RIMS3: variants seen among roughly 807,000 people sequenced by gnomAD.
The protein encoded by RIMS3 is regulating synaptic membrane exocytosis protein 3.
Under a neutral mutation model 29.2 loss-of-function variants are expected in RIMS3, and 15 were observed. The observed-to-expected ratio is 0.51, with a 90% CI of 0.34 to 0.79. RIMS3 has a LOEUF of 0.79. Among genes scored for constraint, RIMS3 ranks in the 30% least tolerant of loss-of-function variants. The probability of loss-of-function intolerance (pLI) is 0.01; values close to 1 mark genes in which losing one functional copy is unlikely to be tolerated. For synonymous variants in RIMS3, 161 were observed against 170.1 expected (o/e 0.95, Z 0.41); for missense variants, 342 against 421.4 (o/e 0.81, Z 1.65).
chr1:40,687,676 C>T, the RIMS3 span: 7 of 151,986 alleles, frequency 4.6e-5, no homozygotes, highest in East Asian at 5.8e-4. Context: ...ACTCACTTCC[C>T]GTATCAGAAA....
In RIMS3 at chr1:40,626,475, C is replaced by A; in HGVS notation, c.*42G>T. 1 of 1,521,940 alleles carries A rather than the reference C, an allele frequency of 6.6e-7. No homozygotes were observed. Among genetic ancestry groups the A allele is most frequent in the Non-Finnish European group, 9.0e-7 (1 of 1,116,854 alleles). The allele number at this position is 1,521,940 out of a possible 1,614,324, so 94.3% of individuals were successfully genotyped here. A position where few individuals can be genotyped will look rare whatever the true frequency, so the allele number is the denominator to read the frequency against. ...CAGGGGAGGACATGGGGCCAGCAGG[C>A]ACCCCTCCCCACACCACCATCCTGG... On this transcript the variant is annotated 3_prime_UTR_variant, in exon 8 of 8. Transcript: ENST00000372684.
intron 1 of RIMS3, among the ~76,000 whole-genome samples, chr1:40,664,036 T>G (rs887359622): frequency 9.9e-5 from 15 of 152,212 alleles, no homozygotes; most frequent in Admixed American, 6.5e-4. Flanking sequence ...GAGCTTGGGT[T>G]TGAAGCCAAG....
chr1:40,629,195 G>T, intron 6 of RIMS3, 76 bp downstream of exon 6: 2 of 1,303,168 alleles, frequency 1.5e-6, no homozygotes, highest in Non-Finnish European at 1.1e-6. Context: ...AGGCCAGTGG[G>T]AGCTGAGGAC....
At chr1:40,644,853 G>A (rs951806473) in intron 2 of RIMS3, among the ~76,000 whole-genome samples, 1 of 152,210 alleles carries the variant, frequency 6.6e-6, no homozygotes, top group Admixed American at 6.5e-5. Context: ...GGGCCCCCGG[G>A]CCTGGAACAC....
the RIMS3 span, among the ~76,000 whole-genome samples, chr1:40,679,524 A>G: frequency 1.3e-5 from 2 of 152,248 alleles, no homozygotes; most frequent in Non-Finnish European, 2.9e-5. Context: ...GAAACATTCA[A>G]TAGTATTTGC....
At chr1:40,677,704 TAATA>T in the RIMS3 span, among the ~76,000 whole-genome samples, 2 of 151,504 alleles carry the variant, frequency 1.3e-5, no homozygotes, top group Non-Finnish European at 1.5e-5. Flanking sequence ...TCTCAAAAAA[TAATA>T]AATAAATAAA....
intron 1 of RIMS3, among the ~76,000 whole-genome samples, chr1:40,655,255 T>C (rs752748776): frequency 2.0e-5 from 3 of 152,102 alleles, no homozygotes; most frequent in Non-Finnish European, 4.4e-5. Context: ...AGCCTTGCCC[T>C]TACCTGTGGC....
At chr1:40,639,755 C>T (rs1039282690) in intron 3 of RIMS3, among the ~76,000 whole-genome samples, 2 of 152,080 alleles carry the variant, frequency 1.3e-5, no homozygotes, top group Admixed American at 6.5e-5. Context: ...GATGCCTCAT[C>T]AATAAAATAA....
rs1646524549 is a variant in RIMS3 at position 40,636,980 on chromosome 1, G to A, written c.218-923C>T. ...GGGAGATGGCCTGAGGGTTTGCAGG[G>A]ACTTCCCCCGCTGAAGCTTGGCAGC... On this transcript the variant is annotated intron_variant, in intron 3 of 7. Coordinates refer to ENST00000372684, the MANE Select transcript of RIMS3 (RefSeq NM_014747.3). The surrounding 1 kb of genome is among the most constrained non-coding windows in gnomAD (Gnocchi z 4.2). Among the ~76,000 whole-genome samples, 1 of 152,230 alleles carries A rather than the reference G, an allele frequency of 6.6e-6. No homozygotes were observed. Among genetic ancestry groups the A allele is most frequent in the African/African-American group, 2.4e-5 (1 of 41,460 alleles).
At chr1:40,630,736 T>C (rs958080699) in intron 5 of RIMS3, among the ~76,000 whole-genome samples, 3 of 152,214 alleles carry the variant, frequency 2.0e-5, no homozygotes, top group African/African-American at 4.8e-5. Flanking sequence ...CCGGCTGCCA[T>C]GGCGCATTAG....
intron 2 of RIMS3, among the ~76,000 whole-genome samples, chr1:40,643,901 C>T (rs556813503): frequency 1.9e-4 from 29 of 152,328 alleles, no homozygotes; most frequent in African/African-American, 6.5e-4. Flanking sequence ...CTCCCCCTTT[C>T]TGCTTCCTCA....
At chr1:40,682,810 G>A in the RIMS3 span, among the ~76,000 whole-genome samples, 6 of 131,784 alleles carry the variant, frequency 4.6e-5, no homozygotes, top group Non-Finnish European at 9.4e-5. Flanking sequence ...GTGTGATCTC[G>A]GCTCACTGCA....
chr1:40,639,326 C>A (rs1196342219), intron 3 of RIMS3, among the ~76,000 whole-genome samples: 1 of 152,198 alleles, frequency 6.6e-6, no homozygotes, highest in African/African-American at 2.4e-5. Flanking sequence ...CAGATGCTCC[C>A]ACCCATGAGG....
At chr1:40,660,635 C>A (rs1642339271) in intron 1 of RIMS3, among the ~76,000 whole-genome samples, 1 of 152,012 alleles carries the variant, frequency 6.6e-6, no homozygotes, top group South Asian at 2.1e-4. Flanking sequence ...CTGCCCCAGC[C>A]TCTCAAAATG....
intron 5 of RIMS3, among the ~76,000 whole-genome samples, chr1:40,632,805 C>T (rs1294316403): frequency 5.3e-5 from 8 of 152,038 alleles, no homozygotes; most frequent in African/African-American, 1.9e-4. Flanking sequence ...ACAGTTCCTA[C>T]ACATTAAATT....
Position 40,636,074 on chromosome 1 carries a change from C to T in RIMS3, c.218-17G>A. Reference sequence around the variant, plus strand: ...TGGCCCCTTCTGTGACCCCCCCAACCCCAAGCACAGAGAGGGAACAAGGTC... The same window carrying T: ...TGGCCCCTTCTGTGACCCCCCCAACTCCAAGCACAGAGAGGGAACAAGGTC... On this transcript the variant is annotated splice_polypyrimidine_tract_variant and intron_variant, in intron 3 of 7. Coordinates refer to ENST00000372684, the MANE Select transcript of RIMS3 (RefSeq NM_014747.3). The surrounding 1 kb of genome is among the most constrained non-coding windows in gnomAD (Gnocchi z 4.2). 6.2e-7 allele frequency: 1 copy of T among 1,601,702 alleles called. No homozygotes were observed. Among genetic ancestry groups the T allele is most frequent in the Non-Finnish European group, 8.5e-7 (1 of 1,179,852 alleles).
intron 6 of RIMS3, 142 bp from the exon 7 acceptor site, chr1:40,629,091 ACTCAAGTACTGATTCCTCCATC>A (rs1646471956): frequency 1.7e-6 from 2 of 1,156,572 alleles, no homozygotes; most frequent in East Asian, 4.8e-5. Flanking sequence ...AGAAGAGGTG[ACTCAAGTACTGATTCCTCCATC>A]CTCCCTTACT....
At chr1:40,667,225 C>T (rs1642438126), upstream of RIMS3, among the ~76,000 whole-genome samples, 1 of 152,178 alleles carries the variant, frequency 6.6e-6, no homozygotes, top group Non-Finnish European at 1.5e-5. Context: ...GGAGCTGGGG[C>T]TCCTGATTAT....
intron 1 of RIMS3, among the ~76,000 whole-genome samples, chr1:40,655,991 C>T (rs1188602511): frequency 2.0e-5 from 3 of 152,162 alleles, no homozygotes; most frequent in East Asian, 1.9e-4. Context: ...CCAGCCTGGG[C>T]GACAGAGACT....
Sources: allele counts gnomAD v4.1 joint callset (sites outside exome capture counted in the v4.1 genomes callset), GRCh38; gene constraint gnomAD v4.1.1; non-coding constraint Gnocchi (gnomAD v3.1); transcripts MANE v1.5; gene names NCBI Gene and HGNC (gene_info 2026-07-23, HGNC 2026-07-21).